The following TSHZ2 variants were observed in gnomAD, a reference collection of about 807,000 sequenced individuals.
The protein encoded by TSHZ2 is teashirt homolog 2.
A neutral mutation model predicts 74.4 loss-of-function variants in TSHZ2; 21 were observed. The ratio of observed to expected loss-of-function variants is 0.28; its 90% CI spans 0.20 to 0.41. TSHZ2 has a LOEUF of 0.41. Ranked by LOEUF, TSHZ2 falls within the 10% of genes least tolerant of loss-of-function variation. The pLI is 1.00. For synonymous variants in TSHZ2, 540 were observed against 515.3 expected (o/e 1.05, Z -0.65); for missense variants, 1,244 against 1,293.5 (o/e 0.96, Z 0.59).
At position 53,459,512 on chromosome 20, in the gene TSHZ2, A is replaced by G. The variant is rs564802511; in HGVS notation, c.*9-27632A>G. Among the ~76,000 whole-genome samples the G allele has an allele frequency of 8.3e-5, 12 of 144,366 alleles. No homozygotes were observed. In the South Asian group the frequency reaches 2.8e-3, roughly 33 times the overall value. 94.7% of individuals were successfully genotyped at this position (144,366 alleles called of 152,430 possible). A position where few individuals can be genotyped will look rare whatever the true frequency, so the allele number is the denominator to read the frequency against. ...CTGATGGGTCTTGACTCTTTATCCAATTTGCCAGTCTGTGTCTTTTAATTG... is the reference window on the plus strand; with the variant it reads ...CTGATGGGTCTTGACTCTTTATCCAGTTTGCCAGTCTGTGTCTTTTAATTG... On this transcript the variant is annotated intron_variant, in intron 2 of 2. Coordinates refer to ENST00000371497, the MANE Select transcript of TSHZ2 (RefSeq NM_173485.6).
chr20:53,100,342 G>T (rs533995487), intron 1 of TSHZ2, among the ~76,000 whole-genome samples: 1 of 152,198 alleles, frequency 6.6e-6, no homozygotes, highest in Admixed American at 6.5e-5. Flanking sequence ...CCACCTGTCT[G>T]GTTTTGCAAA....
chr20:53,414,860 C>T (rs1269803398), intron 2 of TSHZ2, among the ~76,000 whole-genome samples: 13 of 152,182 alleles, frequency 8.5e-5, no homozygotes, highest in Admixed American at 1.3e-4. Context: ...CTGGGTCTGC[C>T]GCCTTCCAGC....
Position 53,342,955 on chromosome 20 carries a change from C to CTTTTTTTTTTTTTTTTTTTTTTTTTTTT in TSHZ2, c.*8+86386_*8+86413dup, listed in dbSNP as rs1175907478. Among the ~76,000 whole-genome samples the CTTTTTTTTTTTTTTTTTTTTTTTTTTTT allele has an allele frequency of 3.8e-4, 23 of 61,238 alleles. 2 individuals carry two copies. Among genetic ancestry groups the CTTTTTTTTTTTTTTTTTTTTTTTTTTTT allele is most frequent in the African/African-American group, 5.3e-4 (8 of 14,976 alleles). 40.2% of individuals were successfully genotyped at this position (61,238 alleles called of 152,430 possible). ...TATTTCTTTTCTTTTCTTTTCTTTTCTTTTTTTTTTTTTTTTTTTTTTTTT... is the reference window on the plus strand; with the variant it reads ...TATTTCTTTTCTTTTCTTTTCTTTTCTTTTTTTTTTTTTTTTTTTTTTTTTTTTTTTTTTTTTTTTTTTTTTTTTTTTT... On this transcript the variant is annotated intron_variant, in intron 2 of 2. Transcript: ENST00000371497.
intron 1 of TSHZ2, among the ~76,000 whole-genome samples, chr20:53,054,356 T>G (rs1050965944): frequency 6.6e-6 from 1 of 152,234 alleles, no homozygotes; most frequent in Non-Finnish European, 1.5e-5. Flanking sequence ...GTTAGATTGC[T>G]CTCAAACAAC....
At chr20:53,108,191 CT>C (rs1210983090) in intron 1 of TSHZ2, among the ~76,000 whole-genome samples, 1 of 152,166 alleles carries the variant, frequency 6.6e-6, no homozygotes, top group African/African-American at 2.4e-5. Flanking sequence ...AGAACCACAA[CT>C]TTAGGATAAA....
intron 1 of TSHZ2, among the ~76,000 whole-genome samples, chr20:53,094,755 C>T (rs895436478): frequency 6.6e-6 from 1 of 152,124 alleles, no homozygotes; most frequent in African/African-American, 2.4e-5. Context: ...ATAGATGAAA[C>T]CTATGGCTCT....
intron 1 of TSHZ2, among the ~76,000 whole-genome samples, chr20:53,164,289 A>G (rs1025534856): frequency 3.9e-5 from 6 of 152,190 alleles, no homozygotes; most frequent in African/African-American, 9.7e-5. Flanking sequence ...TCAATACACT[A>G]CTACCAGAAA....
chr20:52,988,909 T>C (rs1241386773), intron 1 of TSHZ2, among the ~76,000 whole-genome samples: 2 of 152,152 alleles, frequency 1.3e-5, no homozygotes, highest in Non-Finnish European at 2.9e-5. Flanking sequence ...TTCCTGGCCA[T>C]CAAAAAATAT....
intron 1 of TSHZ2, among the ~76,000 whole-genome samples, chr20:53,042,067 T>C (rs772527723): frequency 6.6e-6 from 1 of 152,170 alleles, no homozygotes; most frequent in African/African-American, 2.4e-5. Flanking sequence ...AAAAAACATA[T>C]GCCCATGACA....
chr20:53,101,700 T>C (rs1332739338), intron 1 of TSHZ2, among the ~76,000 whole-genome samples: 3 of 152,214 alleles, frequency 2.0e-5, no homozygotes, highest in Non-Finnish European at 1.5e-5. Flanking sequence ...TCTTTGCTAA[T>C]ATACTTTGAA....
chr20:53,443,138 ACTTGCCACATTTT>A (rs1984405105), intron 2 of TSHZ2, among the ~76,000 whole-genome samples: 1 of 152,184 alleles, frequency 6.6e-6, no homozygotes, highest in African/African-American at 2.4e-5. Context: ...TACTGGAAGC[ACTTGCCACATTTT>A]CTTGCCAGTA....
At chr20:53,260,000 A>G (rs1409256215) in intron 2 of TSHZ2, among the ~76,000 whole-genome samples, 2 of 151,774 alleles carry the variant, frequency 1.3e-5, no homozygotes, top group East Asian at 1.9e-4. Context: ...CCTTCCTTTC[A>G]TCCTCTTTTC....
intron 2 of TSHZ2, among the ~76,000 whole-genome samples, chr20:53,458,657 G>A (rs561342375): frequency 6.6e-6 from 1 of 151,440 alleles, no homozygotes; most frequent in African/African-American, 2.4e-5. Context: ...GTGATGTTAG[G>A]GTGTCAATTT....
At chr20:52,978,281 C>T (rs901178285) in intron 1 of TSHZ2, among the ~76,000 whole-genome samples, 3 of 152,088 alleles carry the variant, frequency 2.0e-5, no homozygotes, top group Non-Finnish European at 2.9e-5. Context: ...TGAAATGATG[C>T]CTCACTGTTC....
intron 1 of TSHZ2, among the ~76,000 whole-genome samples, chr20:52,986,415 A>AAAG (rs1981762808): frequency 7.1e-6 from 1 of 139,884 alleles, no homozygotes. Context: ...AAAAAAAAAA[A>AAAG]AAAGAAAGAA....
chr20:53,133,108 C>T (rs1474676918), intron 1 of TSHZ2, among the ~76,000 whole-genome samples: 1 of 152,164 alleles, frequency 6.6e-6, no homozygotes, highest in Non-Finnish European at 1.5e-5. Flanking sequence ...GGTGGGAATG[C>T]AGCCCCTGAA....
In TSHZ2 at chr20:53,253,740, C is replaced by G. The variant is rs370871141; in HGVS notation, c.282C>G (p.Asp94Glu). 90 of 1,614,076 alleles carry G rather than the reference C, an allele frequency of 5.6e-5. No individual in the cohort carries two copies. The highest frequency in any genetic ancestry group is 7.1e-5 in the Non-Finnish European group (84 of 1,180,036). Residue 94 changes from aspartate (D) to glutamate (E), a missense_variant, in exon 2 of 3, where the codon GAC (aspartate) becomes GAG (glutamate). Physicochemically the swap from Asp to Glu is conservative, Grantham distance 45. Around this residue, in one of 6 missense-constraint regions of TSHZ2, gnomAD observed 470 missense variants for 456.5 expected, o/e 1.03. Coordinates refer to ENST00000371497, the MANE Select transcript of TSHZ2 (RefSeq NM_173485.6). ...LLSDASDQVS[D>E]IKSVCGRDAS... ...GTGACGCCAGTGATCAGGTGTCGGACATCAAGAGTGTCTGCGGCAGAGATG... is the reference window on the plus strand; with the variant it reads ...GTGACGCCAGTGATCAGGTGTCGGAGATCAAGAGTGTCTGCGGCAGAGATG...
intron 1 of TSHZ2, among the ~76,000 whole-genome samples, chr20:52,984,519 A>G (rs966218062): frequency 5.9e-5 from 9 of 152,194 alleles, no homozygotes; most frequent in African/African-American, 2.2e-4. Context: ...GGCTAGAGCT[A>G]CTGGGAGGAA....
intron 1 of TSHZ2, among the ~76,000 whole-genome samples, chr20:52,976,691 G>A (rs987531963): frequency 4.6e-5 from 7 of 152,262 alleles, no homozygotes; most frequent in South Asian, 4.2e-4. Flanking sequence ...TAAATAATAC[G>A]TATTTTATTT....
Sources: allele counts gnomAD v4.1 joint callset (sites outside exome capture counted in the v4.1 genomes callset), GRCh38; gene constraint gnomAD v4.1.1; regional missense constraint gnomAD v4.1.1; transcripts MANE v1.5; gene names NCBI Gene and HGNC (gene_info 2026-07-23, HGNC 2026-07-21).